Variants in LRRC69 observed in about 807,000 individuals in gnomAD.
LRRC69 encodes the protein leucine rich repeat containing 69, also known as leucine-rich repeat-containing protein 69.
LRRC69 carries 42 observed loss-of-function variants against 37.8 expected under a neutral mutation model. The ratio of observed to expected loss-of-function variants is 1.11; its 90% CI spans 0.87 to 1.44. The LOEUF is 1.44. LRRC69 is among the 40% of genes most tolerant of loss of function. The pLI, the probability that LRRC69 is intolerant of heterozygous loss-of-function variation, is 0.00. For missense variants in LRRC69, 357 were observed against 401.9 expected (o/e 0.89, Z 0.96); for synonymous variants, 141 against 143.1 (o/e 0.99, Z 0.11).
At chr8:91,204,981 T>G (rs2130635074) in intron 7 of LRRC69, among the ~76,000 whole-genome samples, 1 of 152,346 alleles carries the variant, frequency 6.6e-6, no homozygotes, top group Admixed American at 6.5e-5. Context: ...TTGCCGATTT[T>G]TAATATTTTT....
chr8:91,120,441 G>A (rs1783275848), intron 1 of LRRC69, among the ~76,000 whole-genome samples: 2 of 152,076 alleles, frequency 1.3e-5, no homozygotes, highest in South Asian at 4.1e-4. Flanking sequence ...GGCAGGGAAA[G>A]AACCTGGATA....
chr8:91,164,265 A>G (rs963383825), intron 5 of LRRC69, among the ~76,000 whole-genome samples: 2 of 151,308 alleles, frequency 1.3e-5, no homozygotes, highest in African/African-American at 4.8e-5. Context: ...GGAAGGTTCT[A>G]GAATATAATG....
intron 7 of LRRC69, among the ~76,000 whole-genome samples, chr8:91,216,541 T>C (rs1167242609): frequency 6.6e-6 from 1 of 152,148 alleles, no homozygotes; most frequent in Non-Finnish European, 1.5e-5. Flanking sequence ...AAAATGTATG[T>C]AGCATGTTTT....
chr8:91,117,648 T>C (rs1586227452), intron 1 of LRRC69, among the ~76,000 whole-genome samples: 2 of 149,700 alleles, frequency 1.3e-5, no homozygotes, highest in South Asian at 4.3e-4. Flanking sequence ...AAGTCCAGGA[T>C]GTGGGATATC....
chr8:91,159,237 C>G (rs1808891927), intron 5 of LRRC69, among the ~76,000 whole-genome samples: 1 of 151,176 alleles, frequency 6.6e-6, no homozygotes, highest in African/African-American at 2.4e-5. Flanking sequence ...TAGAATGACA[C>G]AAATCTGAGT....
intron 1 of LRRC69, among the ~76,000 whole-genome samples, chr8:91,105,701 A>T (rs1461864086): frequency 6.6e-6 from 1 of 151,202 alleles, no homozygotes; most frequent in Non-Finnish European, 1.5e-5. Context: ...AAGGTTTCAA[A>T]GAAAGAGACA....
At chr8:91,164,605 TTAA>T (rs1364527371) in intron 5 of LRRC69, among the ~76,000 whole-genome samples, 1 of 151,640 alleles carries the variant, frequency 6.6e-6, no homozygotes, top group African/African-American at 2.4e-5. Flanking sequence ...CAAACAATGG[TTAA>T]TAATATTTTT....
At chr8:91,162,112 GA>G (rs1360028399) in intron 5 of LRRC69, among the ~76,000 whole-genome samples, 1 of 151,322 alleles carries the variant, frequency 6.6e-6, no homozygotes, top group African/African-American at 2.4e-5. Flanking sequence ...ATTGTGATCT[GA>G]AAGATACTTA....
At chr8:91,168,055 C>T (rs1809060114) in intron 5 of LRRC69, among the ~76,000 whole-genome samples, 2 of 151,692 alleles carry the variant, frequency 1.3e-5, no homozygotes, top group East Asian at 1.9e-4. Flanking sequence ...ATACAAATTC[C>T]CTGCCCTCTT....
intron 1 of LRRC69, among the ~76,000 whole-genome samples, chr8:91,120,623 C>G (rs1037777060): frequency 6.6e-6 from 1 of 152,108 alleles, no homozygotes; most frequent in African/African-American, 2.4e-5. Context: ...TAAAGCCCTT[C>G]CTTGCAGTTA....
intron 5 of LRRC69, among the ~76,000 whole-genome samples, chr8:91,154,597 T>C (rs1405033006): frequency 6.6e-6 from 1 of 151,536 alleles, no homozygotes; most frequent in Non-Finnish European, 1.5e-5. Flanking sequence ...ATATAATTCA[T>C]CATATAAATA....
intron 1 of LRRC69, among the ~76,000 whole-genome samples, chr8:91,103,050 A>G (rs1177415354): frequency 1.3e-5 from 2 of 152,164 alleles, no homozygotes; most frequent in African/African-American, 2.4e-5. Context: ...GTTTCAATTT[A>G]TTCATGTGCT....
intron 1 of LRRC69, among the ~76,000 whole-genome samples, chr8:91,112,744 A>G (rs1813430790): frequency 6.6e-6 from 1 of 152,034 alleles, no homozygotes; most frequent in African/African-American, 2.4e-5. Context: ...CAATTAAATA[A>G]GGAAAAAGAA....
intron 1 of LRRC69, among the ~76,000 whole-genome samples, chr8:91,106,549 A>T (rs539134951): frequency 1.3e-5 from 2 of 152,050 alleles, no homozygotes. Context: ...TATTACCCTC[A>T]TACTGTTAAT....
chr8:91,127,021 A>G (rs1813728845), intron 2 of LRRC69, 67 bp from the exon 3 acceptor site: 2 of 1,231,402 alleles, frequency 1.6e-6, no homozygotes, highest in East Asian at 2.6e-5. Flanking sequence ...AGGTATGTAG[A>G]AAAGTAGAAA....
At chr8:91,120,821 A>G (rs932219748) in intron 1 of LRRC69, among the ~76,000 whole-genome samples, 17 of 151,980 alleles carry the variant, frequency 1.1e-4, no homozygotes, top group Admixed American at 4.6e-4. Context: ...ATCTCTTAAA[A>G]TTCCACATGA....
intron 3 of LRRC69, among the ~76,000 whole-genome samples, chr8:91,132,764 A>G (rs1464268714): frequency 6.6e-6 from 1 of 151,892 alleles, no homozygotes; most frequent in Non-Finnish European, 1.5e-5. Context: ...TGATCTATAT[A>G]CATAGGTATG....
At chr8:91,197,108 G>T (rs1809618298) in intron 6 of LRRC69, among the ~76,000 whole-genome samples, 1 of 152,090 alleles carries the variant, frequency 6.6e-6, no homozygotes, top group South Asian at 2.1e-4. Context: ...GCGGTGTGAG[G>T]TGTCAGTGTG....
chr8:91,210,317 C>A (rs923759781), intron 7 of LRRC69, among the ~76,000 whole-genome samples: 1 of 152,050 alleles, frequency 6.6e-6, no homozygotes, highest in African/African-American at 2.4e-5. Flanking sequence ...TCTCTTTTTT[C>A]CTGCACTAGA....
Sources: allele counts gnomAD v4.1 joint callset (sites outside exome capture counted in the v4.1 genomes callset), GRCh38; gene constraint gnomAD v4.1.1; transcripts MANE v1.5; gene names NCBI Gene and HGNC (gene_info 2026-07-23, HGNC 2026-07-21).